Variants in SATL1 observed in about 807,000 individuals in gnomAD.
The protein encoded by SATL1 is spermidine/spermine N(1)-acetyltransferase-like protein 1.
In SATL1, 47 loss-of-function variants were observed where a neutral mutation model predicts 51.8. That is an observed-to-expected ratio of 0.91 (90% confidence interval 0.72 to 1.16). The LOEUF (loss-of-function observed/expected upper bound fraction) is 1.16, where lower values mean the gene tolerates loss of function less well. SATL1 is among the 50% of genes most tolerant of loss of function. The pLI, the probability that SATL1 is intolerant of heterozygous loss-of-function variation, is 0.00. For missense variants in SATL1, 520 were observed against 526.4 expected (o/e 0.99, Z 0.12); for synonymous variants, 176 against 182.4 (o/e 0.97, Z 0.28).
chrX:85,192,793 T>C (rs1927468653), intron 2 of SATL1, among the ~76,000 whole-genome samples: 1 of 111,819 alleles, frequency 8.9e-6, no homozygotes, highest in Non-Finnish European at 1.9e-5. Flanking sequence ...TCCCTAGTAT[T>C]TAGCAGACTG....
intron 2 of SATL1, among the ~76,000 whole-genome samples, chrX:85,134,887 T>C (rs1050271272): frequency 1.8e-5 from 2 of 111,641 alleles, no homozygotes; most frequent in African/African-American, 3.3e-5. Context: ...CTAAAATGTT[T>C]GGATTTATCC....
intron 2 of SATL1, chrX:85,210,360 G>A (rs145226842): frequency 2.0e-5 from 2 of 100,686 alleles, no homozygotes; most frequent in East Asian, 6.2e-4. Context: ...TCAAGGACTG[G>A]GTTTGGATTA....
intron 2 of SATL1, chrX:85,207,165 A>C (rs921261064): frequency 2.7e-5 from 3 of 111,581 alleles, no homozygotes; most frequent in Non-Finnish European, 5.7e-5. Context: ...GAACTTCTGG[A>C]AATTCTTTAT....
intron 2 of SATL1, among the ~76,000 whole-genome samples, chrX:85,142,382 C>T (rs1430538333): frequency 4.6e-5 from 4 of 87,767 alleles, no homozygotes; most frequent in Admixed American, 2.8e-4. Context: ...GGTGACAGAG[C>T]GAGACTCCAT....
chrX:85,164,697 C>G (rs1211621536), intron 2 of SATL1, among the ~76,000 whole-genome samples: 1 of 108,342 alleles, frequency 9.2e-6, no homozygotes, highest in Non-Finnish European at 1.9e-5. Context: ...TTTAGCTAAC[C>G]TAATGACTAT....
chrX:85,152,842 A>G lies in SATL1; in HGVS notation c.-312-43562T>C, dbSNP rs1926489544. ...TGGGGTGGGGGTAGTGGGGAGGGAT[A>G]GCATTAGGAGATATAGCTAATGCTA... On this transcript the variant is annotated intron_variant, in intron 2 of 7. Transcript: ENST00000644105. Among the ~76,000 whole-genome samples the G allele has an allele frequency of 2.7e-5, 3 of 110,707 alleles. No homozygotes were observed. In the South Asian group the frequency reaches 1.2e-3, roughly 43 times the overall value.
chrX:85,178,670 C>G (rs1284933146), intron 2 of SATL1, among the ~76,000 whole-genome samples: 1 of 109,584 alleles, frequency 9.1e-6, no homozygotes, highest in Non-Finnish European at 1.9e-5. Context: ...AAAAACAAAC[C>G]TCTAGCTGAT....
chrX:85,165,941 G>A (rs1926825218), intron 2 of SATL1, among the ~76,000 whole-genome samples: 1 of 111,422 alleles, frequency 9.0e-6, no homozygotes, highest in African/African-American at 3.3e-5. Context: ...GTAGATCAAT[G>A]GAACAGAATA....
chrX:85,128,922 A>G (rs1925701139), intron 2 of SATL1, among the ~76,000 whole-genome samples: 2 of 111,338 alleles, frequency 1.8e-5, no homozygotes, highest in African/African-American at 3.3e-5. Context: ...CCCATTTCTT[A>G]TTTTTGTCAG....
chrX:85,181,903 ATT>A (rs1927212286), intron 2 of SATL1, among the ~76,000 whole-genome samples: 1 of 111,242 alleles, frequency 9.0e-6, no homozygotes, highest in Non-Finnish European at 1.9e-5. Context: ...ATTTTTCTGG[ATT>A]TTTTTGTACA....
At position 85,107,954 on chromosome X, in the gene SATL1, G is replaced by C; in HGVS notation, c.1015C>G (p.Leu339Val). 8.3e-7 allele frequency: 1 copy of C among 1,210,961 alleles called. No homozygotes were observed. Among genetic ancestry groups the C allele is most frequent in the South Asian group, 1.8e-5 (1 of 56,935 alleles). ...CTTATGCTTGCTTCACTCAGGACTA[G>C]TTCGCTCAGGCTTTGTGGCCACATG... ...PGMWPQSLSE[L>V]VLSEASISQP... is the part of the protein sequence containing the mutation. Residue 339 changes from leucine to valine, a missense_variant, in exon 3 of 8, where the codon CTA becomes GTA. Physicochemically the swap from Leu to Val is conservative, Grantham distance 32 (BLOSUM62 1). Around this residue, in one of 3 missense-constraint regions of SATL1, gnomAD observed 488 missense variants for 474.3 expected, o/e 1.03. Coordinates refer to ENST00000644105, the MANE Select transcript of SATL1 (RefSeq NM_001367857.2).
At chrX:85,141,137 G>A (rs1926099314) in intron 2 of SATL1, among the ~76,000 whole-genome samples, 1 of 111,377 alleles carries the variant, frequency 9.0e-6, no homozygotes, top group African/African-American at 3.3e-5. Context: ...GGGCTGCAAG[G>A]GAAGGCTGCC....
At chrX:85,207,486 T>C (rs1448547973) in intron 2 of SATL1, 1 of 112,084 alleles carries the variant, frequency 8.9e-6, no homozygotes, top group Non-Finnish European at 1.9e-5. Flanking sequence ...TTAGTTACTT[T>C]TCCCAGCCTG....
chrX:85,202,899 G>A (rs1927715249), intron 2 of SATL1, among the ~76,000 whole-genome samples: 1 of 112,014 alleles, frequency 8.9e-6, no homozygotes, highest in Admixed American at 9.4e-5. Flanking sequence ...TAGAGGCAGT[G>A]ACCAAGTGGC....
intron 2 of SATL1, among the ~76,000 whole-genome samples, chrX:85,121,794 A>T (rs1925514293): frequency 9.2e-6 from 1 of 108,936 alleles, no homozygotes; most frequent in Non-Finnish European, 1.9e-5. Flanking sequence ...TGGTGATCTA[A>T]TGTACAGCAT....
At chrX:85,205,807 AG>A (rs1927780972) in intron 2 of SATL1, among the ~76,000 whole-genome samples, 1 of 111,687 alleles carries the variant, frequency 9.0e-6, no homozygotes, top group African/African-American at 3.3e-5. Context: ...ATGGTTTGGA[AG>A]GGGCCATGAC....
At chrX:85,143,096 AC>A (rs747959446) in intron 2 of SATL1, 11 of 111,931 alleles carry the variant, frequency 9.8e-5, no homozygotes, top group Non-Finnish European at 2.1e-4. Context: ...CAAAGGTTTA[AC>A]TTTGGCAAAT....
chrX:85,242,788 CA>C (rs1385672883), intron 1 of SATL1, among the ~76,000 whole-genome samples: 2 of 111,712 alleles, frequency 1.8e-5, no homozygotes, highest in Non-Finnish European at 3.8e-5. Flanking sequence ...ATCTATTTAT[CA>C]TACTTCACGT....
At chrX:85,221,127 T>C (rs1928168019) in intron 2 of SATL1, among the ~76,000 whole-genome samples, 2 of 111,629 alleles carry the variant, frequency 1.8e-5, no homozygotes, top group South Asian at 7.5e-4. Context: ...TACCTTAGAA[T>C]AAAATTGCAA....
Sources: gnomAD v4.1 joint callset for allele counts (sites outside exome capture counted in the v4.1 genomes callset) on GRCh38, gnomAD v4.1.1 for gene constraint, gnomAD v4.1.1 regional missense constraint, MANE v1.5 for transcripts, NCBI Gene and HGNC (gene_info 2026-07-23, HGNC 2026-07-21) for gene names.